Variants in WDR77 observed in about 807,000 individuals in gnomAD.
The protein encoded by WDR77 is WD repeat domain 77.
A neutral mutation model predicts 44.0 loss-of-function variants in WDR77; 31 were observed. The ratio of observed to expected loss-of-function variants is 0.70; its 90% CI spans 0.53 to 0.95. WDR77 has a LOEUF of 0.95. Among genes scored for constraint, WDR77 ranks in the 40% least tolerant of loss-of-function variants. The probability of loss-of-function intolerance (pLI) is 0.00; values close to 1 mark genes in which losing one functional copy is unlikely to be tolerated. For missense variants in WDR77, 390 were observed against 423.9 expected, an observed-to-expected ratio of 0.92 and a Z score of 0.70; for synonymous variants, 186 against 165.7, an observed-to-expected ratio of 1.12 and a Z score of -0.94.
At position 111,449,095 on chromosome 1, in the gene WDR77, G is replaced by A; in HGVS notation, c.75C>T (p.Ala25=). The change falls in exon 1 of 10, where the codon GCC becomes GCT. Residue 25 remains alanine, a synonymous_variant. Coordinates refer to ENST00000235090, the MANE Select transcript of WDR77 (RefSeq NM_024102.4). ...CAGCCTCCAACTGCCGTTCCATGCAGGCGGGCGCATTTGGGGGAAGATTCC... is the reference window on the plus strand; with the variant it reads ...CAGCCTCCAACTGCCGTTCCATGCAAGCGGGCGCATTTGGGGGAAGATTCC... ...REWNLPPNAP[A]CMERQLEAAR... The A allele has an allele frequency of 6.2e-7, 1 of 1,605,292 alleles. No individual in the cohort carries two copies. Among genetic ancestry groups the A allele is most frequent in the Non-Finnish European group, 8.5e-7 (1 of 1,177,578 alleles).
At chr1:111,441,430 A>C (rs894833254) in intron 9 of WDR77, 41 bp from the exon 10 acceptor site, 1 of 1,442,168 alleles carries the variant, frequency 6.9e-7, no homozygotes, top group African/African-American at 1.4e-5. Flanking sequence ...TAGAGACAAG[A>C]AAAGCAGACC....
Position 111,441,176 on chromosome 1 carries a change from C to T in WDR77, c.*54G>A. The T allele has an allele frequency of 7.2e-7, 1 of 1,387,664 alleles. No homozygotes were observed. Among genetic ancestry groups the T allele is most frequent in the South Asian group, 1.9e-5 (1 of 53,042 alleles). The allele number at this position is 1,387,664 out of a possible 1,614,324, so 86.0% of individuals were successfully genotyped here. ...TGTGTTGTCTCACAAGCTGAGAGGGCAGGGCAAAGAAGTGGACACTCATGG... is the reference window on the plus strand; with the variant it reads ...TGTGTTGTCTCACAAGCTGAGAGGGTAGGGCAAAGAAGTGGACACTCATGG... On this transcript the variant is annotated 3_prime_UTR_variant, in exon 10 of 10. Transcript: ENST00000235090.
At chr1:111,448,528 G>C in intron 2 of WDR77, 91 bp downstream of exon 2, 1 of 1,498,692 alleles carries the variant, frequency 6.7e-7, no homozygotes, top group Non-Finnish European at 9.3e-7. Flanking sequence ...AGTATAGGAC[G>C]TTAGATATTG....
intron 4 of WDR77, among the ~76,000 whole-genome samples, chr1:111,444,917 G>GA (rs1393456954): frequency 7.2e-5 from 11 of 152,240 alleles, no homozygotes; most frequent in African/African-American, 2.7e-4. Flanking sequence ...TTTTCTGACA[G>GA]AAAATTTAGT....
chr1:111,444,575 A>G (rs1652947866), intron 4 of WDR77, among the ~76,000 whole-genome samples: 1 of 152,150 alleles, frequency 6.6e-6, no homozygotes, highest in African/African-American at 2.4e-5. Flanking sequence ...TCTGTTTTCA[A>G]TCACTCTTCT....
Position 111,448,595 on chromosome 1 carries a change from G to A in WDR77, c.301+24C>T, listed in dbSNP as rs1427452887. On this transcript the variant is annotated intron_variant, in intron 2 of 9. Coordinates refer to ENST00000235090, the MANE Select transcript of WDR77 (RefSeq NM_024102.4). ...TCTACCGTTCCACCCGGGGGTGGGG[G>A]TGGATAATGGGATAGTGACTCACCT... The A allele has an allele frequency of 1.9e-6, 3 of 1,613,828 alleles. No homozygotes were observed. The South Asian group carries it at 3.3e-5, about 18-fold the overall frequency.
At position 111,441,555 on chromosome 1, in the gene WDR77, A is replaced by G. The variant is rs892029488; in HGVS notation, c.870-166T>C. On this transcript the variant is annotated intron_variant, in intron 9 of 9. Transcript: ENST00000235090. ...ATAGCAGTGTAGCTATCCACAGTGG[A>G]TGTCATCAGTCATCCAATCCAGTCT... 3.1e-6 allele frequency: 4 copies of G among 1,303,828 alleles called. No individual in the cohort carries two copies. The Admixed American group carries it at 1.1e-4, about 35-fold the overall frequency. The allele number at this position is 1,303,828 out of a possible 1,614,324, so 80.8% of individuals were successfully genotyped here. A position where few individuals can be genotyped will look rare whatever the true frequency, so the allele number is the denominator to read the frequency against.
intron 7 of WDR77, 144 bp from the exon 8 acceptor site, chr1:111,442,905 T>A (rs2101741945): frequency 3.6e-6 from 2 of 551,864 alleles, no homozygotes; most frequent in African/African-American, 1.9e-5. Context: ...AATAAGTCAC[T>A]GGATCATTGT....
Position 111,440,977 on chromosome 1 carries a change from C to G in WDR77, c.*253G>C. ...TAGGATGGATTTTTTTTATTCCTGC[C>G]ACTACCAAAAACTATAAATCTACAC... On this transcript the variant is annotated 3_prime_UTR_variant, in exon 10 of 10. Transcript: ENST00000235090. 3.5e-6 allele frequency: 1 copy of G among 283,342 alleles called. No homozygotes were observed. The highest frequency in any genetic ancestry group is 6.1e-5 in the East Asian group (1 of 16,404). The allele number at this position is 283,342 out of a possible 1,614,324, so 17.6% of individuals were successfully genotyped here. A position where few individuals can be genotyped will look rare whatever the true frequency, so the allele number is the denominator to read the frequency against.
intron 7 of WDR77, 40 bp downstream of exon 7, chr1:111,443,283 C>G: frequency 6.5e-7 from 1 of 1,544,162 alleles, no homozygotes; most frequent in Non-Finnish European, 8.8e-7. Context: ...TCCTCCTCCC[C>G]TTTCCCAGAG....
chr1:111,445,475 T>G (rs988578815), intron 4 of WDR77, among the ~76,000 whole-genome samples: 1 of 152,174 alleles, frequency 6.6e-6, no homozygotes, highest in Non-Finnish European at 1.5e-5. Flanking sequence ...TCAAAGGTTT[T>G]GGGGCAGGGT....
At chr1:111,447,262 G>C in intron 3 of WDR77, 118 bp from the exon 4 acceptor site, 1 of 1,467,002 alleles carries the variant, frequency 6.8e-7, no homozygotes. Flanking sequence ...TTGGACTGCT[G>C]CTATGGTCTA....
intron 6 of WDR77, 56 bp downstream of exon 6, chr1:111,443,811 G>C (rs1297825714): frequency 6.2e-7 from 1 of 1,612,176 alleles, no homozygotes; most frequent in Non-Finnish European, 8.5e-7. Flanking sequence ...GCCAAAGACA[G>C]TCTCTTCTAT....
At chr1:111,442,440 C>A (rs759788876) in intron 8 of WDR77, among the ~76,000 whole-genome samples, 2 of 152,184 alleles carry the variant, frequency 1.3e-5, no homozygotes, top group Non-Finnish European at 2.9e-5. Flanking sequence ...CACATTTTAG[C>A]CATTTCAGAC....
rs1202673842 is a variant in WDR77, at chr1:111,442,729, TG to T, written c.723del (p.Asp241GlufsTer9). 1.9e-5 allele frequency: 30 copies of T among 1,599,876 alleles called. No individual in the cohort carries two copies. The highest frequency in any genetic ancestry group is 2.6e-5 in the Non-Finnish European group (30 of 1,170,144). On this transcript the variant is annotated frameshift_variant, in exon 8 of 10. Transcript: ENST00000235090. LOFTEE classifies it high-confidence loss of function. Reference sequence around the variant, plus strand: ...CTCAGGACACAGCTTGTACTCTTGGTGTCCACAAGGGAGACTGTCCCATTCT... The same window carrying T: ...CTCAGGACACAGCTTGTACTCTTGGTTCCACAAGGGAGACTGTCCCATTCT... ...GDENGTVSLV[D>X]TKSTSCVLSS...
chr1:111,448,032 C>CTTAACCA (rs1373260682), intron 2 of WDR77, among the ~76,000 whole-genome samples: 1 of 152,106 alleles, frequency 6.6e-6, no homozygotes, highest in Non-Finnish European at 1.5e-5. Context: ...AATAATTGAA[C>CTTAACCA]GTCTTGCACA....
At position 111,448,713 on chromosome 1, in the gene WDR77, G is replaced by C; in HGVS notation, c.207C>G (p.Asn69Lys). The change falls in exon 2 of 10, where the codon AAC (asparagine) becomes AAG (lysine). Residue 69 changes from asparagine to lysine, a missense_variant. By Grantham distance (94) the Asn-to-Lys change is moderately conservative. Transcript: ENST00000235090. ...GGACTCCGGCGGAGCAGAAGCCTTC[G>C]TTGGGGGCGGCACAGGGGTCCTTAA... ...WLFKDPCAAP[N>K]EGFCSAGVQT... 6.2e-7 allele frequency: 1 copy of C among 1,614,186 alleles called. No homozygotes were observed. Among genetic ancestry groups the C allele is most frequent in the Non-Finnish European group, 8.5e-7 (1 of 1,180,026 alleles).
rs770084148 is a variant in WDR77 at position 111,442,027 on chromosome 1, C to A, written c.867G>T (p.Glu289Asp). Residue 289 changes from glutamate (E) to aspartate (D), a missense_variant and splice_region_variant, in exon 9 of 10, where the codon GAG becomes GAT. Transcript: ENST00000235090. Reference protein sequence around the residue: ...SLAVLDSSLSELFRSQAHRDF... With the variant: ...SLAVLDSSLSDLFRSQAHRDF... ...AAAGGATTCCACTTCACACTTACAA[C>A]TCAGAAAGGCTTGAGTCCAGCACAG... 2 of 1,614,030 alleles carry A rather than the reference C, an allele frequency of 1.2e-6. No homozygotes were observed. The highest frequency in any genetic ancestry group is 1.7e-6 in the Non-Finnish European group (2 of 1,179,900).
chr1:111,448,983 G>GT, intron 1 of WDR77, 72 bp downstream of exon 1: 1 of 1,056,704 alleles, frequency 9.5e-7, no homozygotes, highest in South Asian at 1.3e-5. Context: ...GATGGGCTGG[G>GT]AGGGTCAGTC....
Sources: gnomAD v4.1 joint callset for allele counts (sites outside exome capture counted in the v4.1 genomes callset) on GRCh38, gnomAD v4.1.1 for gene constraint, MANE v1.5 for transcripts, NCBI Gene and HGNC (gene_info 2026-07-23, HGNC 2026-07-21) for gene names.